Variants in APBA3 observed in about 807,000 individuals in gnomAD.
APBA3 encodes the protein amyloid beta precursor protein binding family A member 3, also known as amyloid-beta A4 precursor protein-binding family A member 3.
A neutral mutation model predicts 55.9 loss-of-function variants in APBA3; 45 were observed. The ratio of observed to expected loss-of-function variants is 0.80; its 90% confidence interval spans 0.63 to 1.03. The LOEUF (loss-of-function observed/expected upper bound fraction) is 1.03. Ranked by LOEUF, APBA3 falls within the 50% of genes least tolerant of loss-of-function variation. APBA3 has a pLI of 0.00. For missense variants in APBA3, 865 were observed against 820.3 expected (o/e 1.05, Z -0.67); for synonymous variants, 370 against 353.3 (o/e 1.05, Z -0.53).
rs546756849 is a variant in APBA3 at position 3,752,978 on chromosome 19, C to T, written c.1024G>A (p.Ala342Thr). Residue 342 changes from alanine to threonine, a missense_variant, in exon 7 of 11, where the codon GCC (alanine) becomes ACC (threonine). By Grantham distance (58) the Ala-to-Thr change is moderately conservative. Transcript: ENST00000316757. ...GCGAAGGCCTGGCCAATGGCCTGGG[C>T]GATGAGCTGGGCCTGCGGGGAGGAG... ...VFYAEDAQLI[A>T]QAIGQAFAAA... 31 of 1,612,000 alleles carry T rather than the reference C, an allele frequency of 1.9e-5. No homozygotes were observed. Among genetic ancestry groups the T allele is most frequent in the African/African-American group, 5.3e-5 (4 of 75,064 alleles).
At chr19:3,755,261 T>C (rs1346172164) in intron 3 of APBA3, 1 of 152,146 alleles carries the variant, frequency 6.6e-6, no homozygotes, top group East Asian at 1.9e-4. Flanking sequence ...TGTCAGGAGT[T>C]TTAGAATCTT....
Position 3,751,442 on chromosome 19 carries a change from C to T in APBA3, c.1507G>A (p.Asp503Asn). Residue 503 changes from aspartate to asparagine, a missense_variant, in exon 9 of 11, where the codon GAC becomes AAC. Asp to Asn is a conservative substitution (Grantham distance 23). Transcript: ENST00000316757. ...AREQLGFCVE[D>N]GIICSLLRGG... Reference sequence around the variant, plus strand: ...AGGGGCCGGGGCCTCACGATGCCGTCCTCCACGCAGAAGCCCAGCTGCTCG... The same window carrying T: ...AGGGGCCGGGGCCTCACGATGCCGTTCTCCACGCAGAAGCCCAGCTGCTCG... The T allele has an allele frequency of 6.5e-7, 1 of 1,537,996 alleles. No homozygotes were observed. Among genetic ancestry groups the T allele is most frequent in the Non-Finnish European group, 8.7e-7 (1 of 1,146,462 alleles).
chr19:3,760,084 C>G lies in APBA3; in HGVS notation c.181G>C (p.Val61Leu), dbSNP rs574037859. 1.9e-6 allele frequency: 3 copies of G among 1,613,400 alleles called. No homozygotes were observed. In the African/African-American group the frequency reaches 4.0e-5, roughly 21 times the overall value. ...CCTGGCAGAGCTTCAAACTGCTGCACCAGCTCCTGAAGGCTTGACTCATCA... is the reference window on the plus strand; with the variant it reads ...CCTGGCAGAGCTTCAAACTGCTGCAGCAGCTCCTGAAGGCTTGACTCATCA... ...ELDESSLQEL[V>L]QQFEALPGDL... Residue 61 changes from valine to leucine, a missense_variant, in exon 2 of 11, where the codon GTG (valine) becomes CTG (leucine). Coordinates refer to ENST00000316757, the MANE Select transcript of APBA3 (RefSeq NM_004886.4).
At position 3,758,810 on chromosome 19, in the gene APBA3, G is replaced by A. The variant is rs1050657300; in HGVS notation, c.616+751C>T. On this transcript the variant is annotated intron_variant, in intron 3 of 10. Coordinates refer to ENST00000316757, the MANE Select transcript of APBA3 (RefSeq NM_004886.4). ...GGAGAATCACTTGAACCCGGGAGGC[G>A]GAAGTTGCAGTGAGCCGGGATCACG... is the stretch of plus-strand genomic sequence containing the variant. Among the ~76,000 whole-genome samples the A allele has an allele frequency of 5.9e-5, 9 of 151,898 alleles. No individual in the cohort carries two copies. In the South Asian group the frequency reaches 6.2e-4, roughly 11 times the overall value.
chr19:3,750,949 G>A lies in APBA3; in HGVS notation c.*77C>T, dbSNP rs1599169120. 5.5e-6 allele frequency: 8 copies of A among 1,465,972 alleles called. No homozygotes were observed. The highest frequency in any genetic ancestry group is 1.2e-5 in the South Asian group (1 of 82,232). 90.8% of individuals were successfully genotyped at this position (1,465,972 alleles called of 1,614,324 possible). A position where few individuals can be genotyped will look rare whatever the true frequency, so the allele number is the denominator to read the frequency against. On this transcript the variant is annotated 3_prime_UTR_variant, in exon 11 of 11. Transcript: ENST00000316757. ...AGGACCAAGAACCGCTGGGGTCCTG[G>A]CCAGCCAGGGCAGGCCCAGGATGGG... is the stretch of plus-strand genomic sequence containing the variant.
chr19:3,760,312 G>C lies in APBA3; in HGVS notation c.-37-11C>G, dbSNP rs768936457. ...GGCATCTTCAGGCAGCTGAAAGAGA[G>C]AGAGTCAGCACTGAGGTTTCGCCCG... On this transcript the variant is annotated splice_polypyrimidine_tract_variant and intron_variant, in intron 1 of 10. Coordinates refer to ENST00000316757, the MANE Select transcript of APBA3 (RefSeq NM_004886.4). 7.9e-6 allele frequency: 12 copies of C among 1,520,390 alleles called. No homozygotes were observed. The highest frequency in any genetic ancestry group is 6.0e-5 in the South Asian group (5 of 83,198). The allele number at this position is 1,520,390 out of a possible 1,614,324, so 94.2% of individuals were successfully genotyped here.
In APBA3 at chr19:3,752,694, CT is replaced by C; in HGVS notation, c.1208del (p.Glu403GlyfsTer42). ...ACTCCACCAGGGCCACGCCCAGGCC[CT>C]CCCCTCGCCGCTTCTCGAGGTGCAC... ...REVHLEKRRG[E>X]GLGVALVESG... On this transcript the variant is annotated frameshift_variant, in exon 8 of 11. Transcript: ENST00000316757. LOFTEE classifies it high-confidence loss of function. 1 of 1,595,150 alleles carries C rather than the reference CT, an allele frequency of 6.3e-7. No individual in the cohort carries two copies.
In APBA3 at chr19:3,759,875, C is replaced by T; in HGVS notation, c.390G>A (p.Glu130=). Residue 130 remains glutamate (E), a synonymous_variant, in exon 2 of 11, where the codon GAG becomes GAA. Coordinates refer to ENST00000316757, the MANE Select transcript of APBA3 (RefSeq NM_004886.4). Reference sequence around the variant, plus strand: ...ACAGTCGGGGGGCAGGCTCTAGAGGCTCTTCAGGACCAGTCTGGGAAGGCG... The same window carrying T: ...ACAGTCGGGGGGCAGGCTCTAGAGGTTCTTCAGGACCAGTCTGGGAAGGCG... The part of the protein sequence containing the change: ...ECPPSQTGPE[E]PLEPAPRLLQ... The T allele has an allele frequency of 2.5e-6, 4 of 1,612,104 alleles. No homozygotes were observed. The highest frequency in any genetic ancestry group is 2.2e-5 in the East Asian group (1 of 44,888).
intron 9 of APBA3, 37 bp from the exon 10 acceptor site, chr19:3,751,366 G>A (rs946377259): frequency 1.3e-6 from 2 of 1,517,106 alleles, no homozygotes; most frequent in Non-Finnish European, 1.8e-6. Context: ...AAGAGGTGGG[G>A]GCTGCTCAGG....
intron 3 of APBA3, chr19:3,755,038 T>C (rs2037060826): frequency 6.6e-6 from 1 of 152,188 alleles, no homozygotes; most frequent in South Asian, 2.1e-4. Context: ...GTTCTGGAAT[T>C]CCCTCCATCA....
chr19:3,752,130 C>T (rs751213410), intron 8 of APBA3, among the ~76,000 whole-genome samples: 3 of 152,164 alleles, frequency 2.0e-5, no homozygotes, highest in African/African-American at 2.4e-5. Flanking sequence ...AGGAGATTTG[C>T]TTGAGCCCAG....
chr19:3,751,597 C>A, intron 8 of APBA3, 44 bp from the exon 9 acceptor site: 2 of 1,549,856 alleles, frequency 1.3e-6, no homozygotes, highest in Non-Finnish European at 1.7e-6. Flanking sequence ...GCCGGACAGC[C>A]TGGCAGGTTG....
intron 10 of APBA3, 44 bp from the exon 11 acceptor site, chr19:3,751,141 CGTG>C: frequency 6.4e-7 from 1 of 1,555,510 alleles, no homozygotes; most frequent in Non-Finnish European, 8.7e-7. Context: ...GGCCTGGGCT[CGTG>C]GGGGACGTGG....
Position 3,753,831 on chromosome 19 carries a change from C to A in APBA3, c.945G>T (p.Arg315Ser), listed in dbSNP as rs1286417621. The A allele has an allele frequency of 6.3e-7, 1 of 1,575,304 alleles. No individual in the cohort carries two copies. Among genetic ancestry groups the A allele is most frequent in the Non-Finnish European group, 8.6e-7 (1 of 1,162,720 alleles). The change falls in exon 6 of 11, where the codon AGG (arginine) becomes AGT (serine). Residue 315 changes from arginine to serine, a missense_variant. By Grantham distance (110) the Arg-to-Ser change is moderately radical. Transcript: ENST00000316757. ...VLMARRRLAR[R>S]PAPQDHGRRL... The stretch of plus-strand genomic sequence containing the variant: ...GGCGGCCGTGGTCCTGGGGTGCCGG[C>A]CTCCGTGCCAGCCGCCGCCGCGCCA...
Position 3,760,066 on chromosome 19 carries a change from G to C in APBA3, c.199C>G (p.Leu67Val), listed in dbSNP as rs762913641. ...GATGGGCCCACCAGATCGCCTGGCA[G>C]AGCTTCAAACTGCTGCACCAGCTCC... ...LQELVQQFEA[L>V]PGDLVGPSPG... The change falls in exon 2 of 11, where the codon CTG (leucine) becomes GTG (valine). Residue 67 changes from leucine to valine, a missense_variant. Coordinates refer to ENST00000316757, the MANE Select transcript of APBA3 (RefSeq NM_004886.4). 16 of 1,613,260 alleles carry C rather than the reference G, an allele frequency of 9.9e-6. No individual in the cohort carries two copies.
At position 3,760,269 on chromosome 19, in the gene APBA3, G is replaced by A. The variant is rs969515024; in HGVS notation, c.-5C>T. The A allele has an allele frequency of 3.1e-6, 5 of 1,590,952 alleles. No homozygotes were observed. The highest frequency in any genetic ancestry group is 3.6e-5 in the Admixed American group (2 of 56,126). The stretch of plus-strand genomic sequence containing the variant: ...GGAAATTGTGGGGAAGTCCATGCCT[G>A]GACTCCAGGCTTAGGCCGGCATCTT... On this transcript the variant is annotated 5_prime_UTR_variant, in exon 2 of 11. Transcript: ENST00000316757.
In APBA3 at chr19:3,753,835, C is replaced by T. The variant is rs918111775; in HGVS notation, c.941G>A (p.Arg314Gln). The change falls in exon 6 of 11, where the codon CGG becomes CAG. Residue 314 changes from arginine to glutamine, a missense_variant. Coordinates refer to ENST00000316757, the MANE Select transcript of APBA3 (RefSeq NM_004886.4). ...GCCGTGGTCCTGGGGTGCCGGCCTC[C>T]GTGCCAGCCGCCGCCGCGCCATCAG... The part of the protein sequence containing the change: ...LVLMARRRLA[R>Q]RPAPQDHGRR... 41 of 1,573,578 alleles carry T rather than the reference C, an allele frequency of 2.6e-5. No individual in the cohort carries two copies. The highest frequency in any genetic ancestry group is 6.7e-5 in the African/African-American group (5 of 74,340).
chr19:3,760,635 G>C (rs1460102322), intron 1 of APBA3, among the ~76,000 whole-genome samples: 1 of 152,006 alleles, frequency 6.6e-6, no homozygotes, highest in Non-Finnish European at 1.5e-5. Flanking sequence ...TGTAATCCCA[G>C]CTACGCAAGA....
At chr19:3,751,404 C>G (rs1449251444) in intron 9 of APBA3, 30 bp downstream of exon 9, 4 of 1,515,602 alleles carry the variant, frequency 2.6e-6, no homozygotes, top group Non-Finnish European at 3.5e-6. Flanking sequence ...CCCTACCCCC[C>G]CACCCCGGGG....
Sources: gnomAD v4.1 joint callset for allele counts (sites outside exome capture counted in the v4.1 genomes callset) on GRCh38, gnomAD v4.1.1 for gene constraint, MANE v1.5 for transcripts, NCBI Gene and HGNC (gene_info 2026-07-23, HGNC 2026-07-21) for gene names.